The following DEPDC1B variants were observed in gnomAD, a reference collection of about 807,000 sequenced individuals.
The protein encoded by DEPDC1B is DEP domain containing 1B, also known as DEP domain-containing protein 1B.
In DEPDC1B, 51 loss-of-function variants were observed where a neutral mutation model predicts 66.5. The observed-to-expected ratio is 0.77, with a 90% CI of 0.61 to 0.97. The LOEUF (loss-of-function observed/expected upper bound fraction) is 0.97, where lower values mean the gene tolerates loss of function less well. DEPDC1B is among the 50% of genes least tolerant of loss of function. The pLI, the probability that DEPDC1B is intolerant of heterozygous loss-of-function variation, is 0.00. For missense variants in DEPDC1B, 552 were observed against 637.1 expected, an observed-to-expected ratio of 0.87 and a Z score of 1.44; for synonymous variants, 226 against 223.6, an observed-to-expected ratio of 1.01 and a Z score of -0.10.
chr5:60,660,152 GGA>G (rs901073316), intron 2 of DEPDC1B, among the ~76,000 whole-genome samples: 1 of 151,420 alleles, frequency 6.6e-6, no homozygotes, highest in Non-Finnish European at 1.5e-5. Flanking sequence ...ATAGAGAGGA[GGA>G]GAGAGAGAGA....
At chr5:60,608,170 G>C (rs540115308) in intron 7 of DEPDC1B, among the ~76,000 whole-genome samples, 1 of 152,234 alleles carries the variant, frequency 6.6e-6, no homozygotes, top group South Asian at 2.1e-4. Context: ...GTAATAACTA[G>C]TTAAATTCTC....
At chr5:60,667,588 A>ATAT in intron 2 of DEPDC1B, among the ~76,000 whole-genome samples, 1 of 143,516 alleles carries the variant, frequency 7.0e-6, no homozygotes, top group South Asian at 2.3e-4. Context: ...TTTTACATAT[A>ATAT]TAAAAATGGA....
chr5:60,642,018 G>C (rs1753202590), intron 6 of DEPDC1B, among the ~76,000 whole-genome samples: 1 of 152,128 alleles, frequency 6.6e-6, no homozygotes, highest in Admixed American at 6.5e-5. Context: ...TTAAGCTTAA[G>C]AGTTATTTTA....
chr5:60,642,764 C>T, intron 6 of DEPDC1B, 48 bp downstream of exon 6: 1 of 1,508,396 alleles, frequency 6.6e-7, no homozygotes, highest in South Asian at 1.2e-5. Flanking sequence ...TAATTTAGGG[C>T]ACTAATTTCT....
chr5:60,684,574 C>G (rs1350327128), intron 2 of DEPDC1B, among the ~76,000 whole-genome samples: 1 of 152,116 alleles, frequency 6.6e-6, no homozygotes, highest in African/African-American at 2.4e-5. Flanking sequence ...TATCTCTCAC[C>G]ATGTATAAAA....
At chr5:60,692,066 A>G (rs1318131221) in intron 1 of DEPDC1B, among the ~76,000 whole-genome samples, 1 of 152,228 alleles carries the variant, frequency 6.6e-6, no homozygotes, top group Non-Finnish European at 1.5e-5. Flanking sequence ...CATTATACCA[A>G]GTGAAATAAG....
At position 60,610,945 on chromosome 5, in the gene DEPDC1B, G is replaced by A. The variant is rs117426359; in HGVS notation, c.899-5089C>T. Among the ~76,000 whole-genome samples, 11 of 152,248 alleles carry A rather than the reference G, an allele frequency of 7.2e-5. No homozygotes were observed. The East Asian group carries it at 1.4e-3, about 19-fold the overall frequency. On this transcript the variant is annotated intron_variant, in intron 7 of 10. Transcript: ENST00000265036. ...AGTTGGCTCCTTGTTATAGATTACC[G>A]AAGTCTTTATTGGAGTCACCTATTA...
At chr5:60,603,304 T>C (rs1752238689) in intron 9 of DEPDC1B, 87 bp downstream of exon 9, 13 of 1,265,190 alleles carry the variant, frequency 1.0e-5, no homozygotes, top group African/African-American at 1.5e-5. Flanking sequence ...CACTTAATCC[T>C]CATAATAAAA....
At chr5:60,661,433 G>C (rs1043484114) in intron 2 of DEPDC1B, among the ~76,000 whole-genome samples, 1 of 152,154 alleles carries the variant, frequency 6.6e-6, no homozygotes, top group African/African-American at 2.4e-5. Flanking sequence ...TAGGGGTCCT[G>C]GCATCCCTAT....
chr5:60,614,125 G>A (rs1463885009), intron 7 of DEPDC1B, among the ~76,000 whole-genome samples: 2 of 152,088 alleles, frequency 1.3e-5, no homozygotes, highest in Non-Finnish European at 2.9e-5. Context: ...ACAGAAGTCT[G>A]AACTTGTTTG....
At chr5:60,641,063 A>T (rs1388462767) in intron 6 of DEPDC1B, among the ~76,000 whole-genome samples, 1 of 152,188 alleles carries the variant, frequency 6.6e-6, no homozygotes, top group Non-Finnish European at 1.5e-5. Context: ...TTTTCCCAGC[A>T]CTTGCCACCT....
Position 60,622,195 on chromosome 5 carries a change from G to A in DEPDC1B, c.899-16339C>T, listed in dbSNP as rs751653435. ...AACAATGAAAATATAAAACTCTTCC[G>A]CCCCCCCAAAGAATCTACTGGTGCT... is the stretch of plus-strand genomic sequence containing the variant. On this transcript the variant is annotated intron_variant, in intron 7 of 10. Transcript: ENST00000265036. Among the ~76,000 whole-genome samples, 6 of 151,648 alleles carry A rather than the reference G, an allele frequency of 4.0e-5. No individual in the cohort carries two copies. The East Asian group carries it at 7.7e-4, about 19-fold the overall frequency.
At chr5:60,685,904 C>T (rs1754401526) in intron 2 of DEPDC1B, among the ~76,000 whole-genome samples, 1 of 152,184 alleles carries the variant, frequency 6.6e-6, no homozygotes, top group Non-Finnish European at 1.5e-5. Context: ...AAACTAACCA[C>T]CAAGTGGACA....
intron 6 of DEPDC1B, among the ~76,000 whole-genome samples, chr5:60,640,499 T>A (rs955768835): frequency 5.9e-5 from 9 of 152,310 alleles, no homozygotes; most frequent in East Asian, 3.8e-4. Context: ...ATTTAAAAAT[T>A]TTTTTTATAA....
In DEPDC1B at chr5:60,622,207, A is replaced by G. The variant is rs990858382; in HGVS notation, c.899-16351T>C. 3.3e-5 allele frequency among the ~76,000 whole-genome samples: 5 copies of G among 152,128 alleles called. 1 individual carries two copies. Among genetic ancestry groups the G allele is most frequent in the African/African-American group, 1.2e-4 (5 of 41,434 alleles). On this transcript the variant is annotated intron_variant, in intron 7 of 10. Transcript: ENST00000265036. ...ATAAAACTCTTCCGCCCCCCCAAAG[A>G]ATCTACTGGTGCTGTTTGGCAGTAA...
At chr5:60,688,997 C>G (rs1166152630) in intron 1 of DEPDC1B, 1 of 456,104 alleles carries the variant, frequency 2.2e-6, no homozygotes, top group South Asian at 1.5e-5. Flanking sequence ...CACAATGATC[C>G]TAATCTTCAA....
intron 7 of DEPDC1B, among the ~76,000 whole-genome samples, chr5:60,634,671 C>CAAAAA (rs759251998): frequency 8.8e-6 from 1 of 113,840 alleles, no homozygotes; most frequent in Non-Finnish European, 1.7e-5. Context: ...GACTCTGTCT[C>CAAAAA]AAAAAAATAA....
intron 7 of DEPDC1B, among the ~76,000 whole-genome samples, chr5:60,611,278 T>A (rs1173887800): frequency 1.3e-5 from 2 of 152,312 alleles, no homozygotes; most frequent in East Asian, 3.9e-4. Context: ...AATCAACCAA[T>A]GTGTGTGTTC....
intron 5 of DEPDC1B, among the ~76,000 whole-genome samples, chr5:60,643,241 T>G (rs1753232024): frequency 1.3e-5 from 2 of 151,962 alleles, no homozygotes; most frequent in South Asian, 4.2e-4. Flanking sequence ...GTGAAACAAG[T>G]TCATCAAACA....
Sources: allele counts gnomAD v4.1 joint callset (sites outside exome capture counted in the v4.1 genomes callset), GRCh38; gene constraint gnomAD v4.1.1; transcripts MANE v1.5; gene names NCBI Gene and HGNC (gene_info 2026-07-23, HGNC 2026-07-21).